The following SCD5 variants were observed in gnomAD, a reference collection of about 807,000 sequenced individuals.
SCD5 encodes acyl-CoA-desaturase 4.
SCD5 carries 20 observed loss-of-function variants against 30.4 expected under a neutral mutation model. The observed-to-expected ratio is 0.66, with a 90% CI of 0.46 to 0.96. The LOEUF (loss-of-function observed/expected upper bound fraction) is 0.96. Ranked by LOEUF, SCD5 falls within the 40% of genes least tolerant of loss-of-function variation. The pLI, the probability that SCD5 is intolerant of heterozygous loss-of-function variation, is 0.00. For synonymous variants in SCD5, 173 were observed against 176.4 expected, an observed-to-expected ratio of 0.98 and a Z score of 0.16; for missense variants, 381 against 443.3, an observed-to-expected ratio of 0.86 and a Z score of 1.26.
At chr4:82,649,523 C>T (rs1727702413) in intron 3 of SCD5, among the ~76,000 whole-genome samples, 1 of 152,172 alleles carries the variant, frequency 6.6e-6, no homozygotes, top group Non-Finnish European at 1.5e-5. Flanking sequence ...GGCCTTGCTC[C>T]ATCCTGTGTG....
intron 1 of SCD5, among the ~76,000 whole-genome samples, chr4:82,719,644 CA>C (rs1471481324): frequency 6.6e-6 from 1 of 151,268 alleles, no homozygotes; most frequent in Non-Finnish European, 1.5e-5. Context: ...GCTGGGACTA[CA>C]GGGGCCCGCT....
In SCD5 at chr4:82,631,125, C is replaced by CA. The variant is rs35490627; in HGVS notation, c.*201dup. 122,209 of 400,860 alleles carry CA rather than the reference C, an allele frequency of 0.3. 6,245 individuals are homozygous for CA. The highest frequency in any genetic ancestry group is 0.38 in the East Asian group (8,616 of 22,834). 24.8% of individuals were successfully genotyped at this position (400,860 alleles called of 1,614,324 possible). A position where few individuals can be genotyped will look rare whatever the true frequency, so the allele number is the denominator to read the frequency against. On this transcript the variant is annotated 3_prime_UTR_variant, in exon 5 of 5. Transcript: ENST00000319540. The stretch of plus-strand genomic sequence containing the variant: ...GACTCTGTCTCAAAAACAAAACAAA[C>CA]AAAAAAAAAAACGAAAGTTTTTTCA...
intron 3 of SCD5, among the ~76,000 whole-genome samples, chr4:82,676,911 C>A (rs568006680): frequency 5.3e-5 from 8 of 152,322 alleles, no homozygotes; most frequent in African/African-American, 1.7e-4. Flanking sequence ...GTTATGACAG[C>A]CTTCGTAAGA....
In SCD5 at chr4:82,680,686, C is replaced by T. The variant is rs1728549009; in HGVS notation, c.569+21G>A. 4 of 1,612,846 alleles carry T rather than the reference C, an allele frequency of 2.5e-6. No homozygotes were observed. In the African/African-American group the frequency reaches 5.3e-5, roughly 21 times the overall value. Reference sequence around the variant, plus strand: ...GTCCTGGCCCCTGAGGGACAGCTCTCCGTCATGCCCATTCACTTACTTTCT... The same window carrying T: ...GTCCTGGCCCCTGAGGGACAGCTCTTCGTCATGCCCATTCACTTACTTTCT... On this transcript the variant is annotated intron_variant, in intron 3 of 4. Coordinates refer to ENST00000319540, the MANE Select transcript of SCD5 (RefSeq NM_001037582.3).
At chr4:82,664,997 CTCTA>C (rs1488982325) in intron 3 of SCD5, among the ~76,000 whole-genome samples, 3,874 of 79,248 alleles carry the variant, frequency 0.049, 59 homozygotes, top group African/African-American at 0.069. Flanking sequence ...CTCTCTCTCT[CTCTA>C]TATATATATA....
chr4:82,663,973 C>T (rs539132561), intron 3 of SCD5, among the ~76,000 whole-genome samples: 13 of 152,230 alleles, frequency 8.5e-5, no homozygotes, highest in South Asian at 2.1e-4. Flanking sequence ...GGCACAGGAG[C>T]GTTGCCTAAG....
intron 1 of SCD5, among the ~76,000 whole-genome samples, chr4:82,724,429 C>A (rs1391486239): frequency 6.6e-6 from 1 of 151,944 alleles, no homozygotes; most frequent in Non-Finnish European, 1.5e-5. Flanking sequence ...CCAGCCTGGG[C>A]AACATGGTGA....
intron 2 of SCD5, among the ~76,000 whole-genome samples, chr4:82,689,199 A>G (rs918564005): frequency 6.6e-6 from 1 of 152,240 alleles, no homozygotes; most frequent in African/African-American, 2.4e-5. Flanking sequence ...TAGGAAAAGT[A>G]CACGGGGAGC....
intron 2 of SCD5, among the ~76,000 whole-genome samples, chr4:82,694,058 G>A (rs1011387011): frequency 1.3e-5 from 2 of 152,168 alleles, no homozygotes; most frequent in African/African-American, 4.8e-5. Flanking sequence ...TCTTGGGTCC[G>A]AGGCAACCTC....
intron 1 of SCD5, among the ~76,000 whole-genome samples, chr4:82,773,924 A>G (rs1352395205): frequency 1.3e-5 from 2 of 152,058 alleles, no homozygotes; most frequent in Non-Finnish European, 2.9e-5. Flanking sequence ...ACCTCGTCTT[A>G]CTAAAAATAC....
intron 3 of SCD5, among the ~76,000 whole-genome samples, chr4:82,651,383 G>GCT (rs1727747718): frequency 6.6e-6 from 1 of 151,980 alleles, no homozygotes; most frequent in Non-Finnish European, 1.5e-5. Flanking sequence ...ACCAAACGTC[G>GCT]TATGTTCTCA....
intron 2 of SCD5, 61 bp downstream of exon 2, chr4:82,705,222 C>G: frequency 6.3e-7 from 1 of 1,589,378 alleles, no homozygotes; most frequent in Non-Finnish European, 8.6e-7. Context: ...CATCTTTCCC[C>G]TCCTCCCATA....
chr4:82,717,016 G>A (rs1720242476), intron 1 of SCD5, among the ~76,000 whole-genome samples: 1 of 151,696 alleles, frequency 6.6e-6, no homozygotes, highest in Non-Finnish European at 1.5e-5. Context: ...GATGTGCAAA[G>A]GTTATATGCA....
At chr4:82,731,474 C>G (rs1336441555) in intron 1 of SCD5, among the ~76,000 whole-genome samples, 1 of 152,242 alleles carries the variant, frequency 6.6e-6, no homozygotes, top group Admixed American at 6.5e-5. Flanking sequence ...CAGGACCAGA[C>G]TTGGGCTGGG....
intron 1 of SCD5, among the ~76,000 whole-genome samples, chr4:82,765,861 C>T (rs1721474116): frequency 5.9e-5 from 9 of 152,166 alleles, no homozygotes. Context: ...CTCAAGTGAT[C>T]CGCCTGCCTT....
chr4:82,783,958 G>A (rs569500493), intron 1 of SCD5, among the ~76,000 whole-genome samples: 2 of 152,188 alleles, frequency 1.3e-5, no homozygotes, highest in South Asian at 2.1e-4. Flanking sequence ...AGGACAGAAT[G>A]TCTCCAATTT....
rs536839832 is a variant in SCD5, at chr4:82,744,069, G to A, written c.233-38656C>T. Among the ~76,000 whole-genome samples the A allele has an allele frequency of 9.2e-5, 14 of 152,012 alleles. No individual in the cohort carries two copies. The South Asian group carries it at 1.3e-3, about 14-fold the overall frequency. Reference sequence around the variant, plus strand: ...TCAAAGTTCTAAGCTCAACAGATCCGCCTGCCTCAGCCTCCCAAATTGCTG... The same window carrying A: ...TCAAAGTTCTAAGCTCAACAGATCCACCTGCCTCAGCCTCCCAAATTGCTG... On this transcript the variant is annotated intron_variant, in intron 1 of 4. Transcript: ENST00000319540.
chr4:82,787,022 A>G (rs968945148), intron 1 of SCD5, among the ~76,000 whole-genome samples: 1 of 152,208 alleles, frequency 6.6e-6, no homozygotes, highest in African/African-American at 2.4e-5. Context: ...TGTTTCACAC[A>G]GTTAGCTCCC....
intron 1 of SCD5, among the ~76,000 whole-genome samples, chr4:82,719,359 C>T (rs1402081203): frequency 6.6e-6 from 1 of 151,550 alleles, no homozygotes; most frequent in Non-Finnish European, 1.5e-5. Context: ...GGCTAACTTA[C>T]CCACTAGACA....
Sources: allele counts gnomAD v4.1 joint callset (sites outside exome capture counted in the v4.1 genomes callset), GRCh38; gene constraint gnomAD v4.1.1; transcripts MANE v1.5; gene names NCBI Gene and HGNC (gene_info 2026-07-23, HGNC 2026-07-21).